Variants in PDZD2 observed in about 807,000 individuals in gnomAD.
PDZD2 encodes PDZ domain-containing protein 2.
In PDZD2, 90 loss-of-function variants were observed where a neutral mutation model predicts 220.7. The observed-to-expected ratio is 0.41, with a 90% confidence interval of 0.34 to 0.49. The LOEUF (loss-of-function observed/expected upper bound fraction) is 0.49. PDZD2 is among the 20% of genes least tolerant of loss of function. The pLI, the probability that PDZD2 is intolerant of heterozygous loss-of-function variation, is 0.28. For synonymous variants in PDZD2, 1,375 were observed against 1,450.5 expected, an observed-to-expected ratio of 0.95 and a Z score of 1.18; for missense variants, 3,174 against 3,608.5, an observed-to-expected ratio of 0.88 and a Z score of 3.08.
At chr5:31,855,433 G>A (rs1384773512) in intron 2 of PDZD2, among the ~76,000 whole-genome samples, 3 of 152,242 alleles carry the variant, frequency 2.0e-5, no homozygotes, top group Non-Finnish European at 4.4e-5. Flanking sequence ...CTGGACGGAA[G>A]GAGGCGCCCC....
intron 2 of PDZD2, among the ~76,000 whole-genome samples, chr5:31,877,939 T>C (rs577841244): frequency 2.0e-5 from 3 of 152,304 alleles, no homozygotes; most frequent in South Asian, 4.1e-4. Flanking sequence ...TCCACCCACC[T>C]TGGCCTCCCA....
In PDZD2 at chr5:31,799,389, G is replaced by A. The variant is rs777020335; in HGVS notation, c.141G>A (p.Gln47=). ...TCCAGAAGCTGCAGGAGTACATCCA[G>A]CTGAACTTTGCTGTGGATGAGAGTA... The part of the protein sequence containing the change: ...AAIQKLQEYI[Q]LNFAVDESTV... Residue 47 remains glutamine (Q), a synonymous_variant, in exon 2 of 25, where the codon CAG becomes CAA. Transcript: ENST00000438447. 5 of 1,614,232 alleles carry A rather than the reference G, an allele frequency of 3.1e-6. No individual in the cohort carries two copies. In the South Asian group the frequency reaches 5.5e-5, roughly 18 times the overall value.
In PDZD2 at chr5:32,072,157, A is replaced by G. The variant is rs771125288; in HGVS notation, c.2569-4A>G. 1.2e-6 allele frequency: 2 copies of G among 1,601,190 alleles called. No homozygotes were observed. Among genetic ancestry groups the G allele is most frequent in the East Asian group, 4.5e-5 (2 of 44,704 alleles). On this transcript the variant is annotated splice_region_variant and splice_polypyrimidine_tract_variant and intron_variant, in intron 16 of 24. Transcript: ENST00000438447. The stretch of plus-strand genomic sequence containing the variant: ...TAGTTATCGGATGTTTTCTTCTTCA[A>G]CAGGACTCCCTTATTTCTGAATCTG...
chr5:32,024,703 A>AAAAAAAAAAAAAGAAAG (rs1561378496), intron 6 of PDZD2, among the ~76,000 whole-genome samples: 8 of 140,218 alleles, frequency 5.7e-5, no homozygotes, highest in East Asian at 2.0e-4. Context: ...AGAAAGAAAA[A>AAAAAAAAAAAAAGAAAG]AAAGAAAAGG....
chr5:31,940,772 G>A (rs1001353284), intron 2 of PDZD2, among the ~76,000 whole-genome samples: 1 of 152,208 alleles, frequency 6.6e-6, no homozygotes, highest in Non-Finnish European at 1.5e-5. Context: ...TTGAGAATCC[G>A]TTTGGTAAAA....
chr5:31,965,129 C>T (rs1748611573), intron 2 of PDZD2, among the ~76,000 whole-genome samples: 1 of 152,226 alleles, frequency 6.6e-6, no homozygotes, highest in African/African-American at 2.4e-5. Flanking sequence ...ACGACACGGA[C>T]ACACGTGGAG....
intron 2 of PDZD2, among the ~76,000 whole-genome samples, chr5:31,976,452 A>T (rs747425383): frequency 1.3e-5 from 2 of 152,204 alleles, no homozygotes; most frequent in African/African-American, 2.4e-5. Flanking sequence ...CAACAAGGTG[A>T]CTATTAGCAG....
intron 2 of PDZD2, among the ~76,000 whole-genome samples, chr5:31,802,972 A>C (rs922483890): frequency 8.6e-5 from 13 of 151,620 alleles, no homozygotes; most frequent in African/African-American, 3.1e-4. Flanking sequence ...GCTGTCACGA[A>C]GTCTCAGATC....
In PDZD2 at chr5:31,864,828, A is replaced by G. The variant is rs145921906; in HGVS notation, c.476+65104A>G. Reference sequence around the variant, plus strand: ...AGTGCCCAGTCGAATTGTATCTTGTATGAGATTTGTCTTTTTTTTTTTTTT... The same window carrying G: ...AGTGCCCAGTCGAATTGTATCTTGTGTGAGATTTGTCTTTTTTTTTTTTTT... On this transcript the variant is annotated intron_variant, in intron 2 of 24. Coordinates refer to ENST00000438447, the MANE Select transcript of PDZD2 (RefSeq NM_178140.4). 4.4e-3 allele frequency among the ~76,000 whole-genome samples: 569 copies of G among 128,670 alleles called. 5 individuals are homozygous for G. Among genetic ancestry groups the G allele is most frequent in the African/African-American group, 0.015 (527 of 34,406 alleles). The allele number at this position is 128,670 out of a possible 152,430, so 84.4% of individuals were successfully genotyped here.
chr5:32,102,658 G>A (rs567945064), intron 24 of PDZD2, among the ~76,000 whole-genome samples: 4 of 152,216 alleles, frequency 2.6e-5, no homozygotes, highest in East Asian at 3.9e-4. Context: ...GCTCTCAGAC[G>A]AAGGGTACAG....
At chr5:31,726,596 G>A (rs910902218) in intron 1 of PDZD2, among the ~76,000 whole-genome samples, 1 of 152,178 alleles carries the variant, frequency 6.6e-6, no homozygotes, top group African/African-American at 2.4e-5. Flanking sequence ...ACTTGAAGAT[G>A]AGAAACCCAG....
intron 2 of PDZD2, among the ~76,000 whole-genome samples, chr5:31,925,677 G>A (rs577667823): frequency 3.3e-5 from 5 of 151,804 alleles, no homozygotes; most frequent in South Asian, 4.2e-4. Flanking sequence ...GACAACCCAC[G>A]GAATGGGATA....
At chr5:31,698,065 G>C (rs1215908043) in intron 1 of PDZD2, among the ~76,000 whole-genome samples, 2 of 138,580 alleles carry the variant, frequency 1.4e-5, no homozygotes, top group African/African-American at 5.1e-5. Context: ...ACCGCACCCA[G>C]CTAATTTTTT....
intron 2 of PDZD2, among the ~76,000 whole-genome samples, chr5:31,889,416 T>G (rs990191451): frequency 4.6e-5 from 7 of 152,208 alleles, no homozygotes; most frequent in African/African-American, 1.7e-4. Flanking sequence ...GGCCATTTTC[T>G]GGTGCTGTTC....
intron 1 of PDZD2, among the ~76,000 whole-genome samples, chr5:31,768,392 C>T (rs944082518): frequency 1.3e-5 from 2 of 152,030 alleles, no homozygotes; most frequent in Admixed American, 6.6e-5. Context: ...TCTGTAATCC[C>T]AGCACTTTGG....
chr5:32,103,151 G>GACT (rs1744421487), intron 24 of PDZD2, among the ~76,000 whole-genome samples: 1 of 152,190 alleles, frequency 6.6e-6, no homozygotes, highest in Non-Finnish European at 1.5e-5. Flanking sequence ...CAGAAATCAT[G>GACT]ACTAAGAATT....
intron 3 of PDZD2, among the ~76,000 whole-genome samples, chr5:31,992,698 A>G (rs1327380400): frequency 2.0e-5 from 3 of 152,142 alleles, no homozygotes; most frequent in Non-Finnish European, 2.9e-5. Context: ...AGATTTTCTT[A>G]TTTCTGGACT....
chr5:32,014,222 A>G (rs1019950695), intron 6 of PDZD2, among the ~76,000 whole-genome samples: 9 of 152,210 alleles, frequency 5.9e-5, no homozygotes, highest in Admixed American at 6.5e-5. Context: ...TTCTAGCCAG[A>G]CATGGACTGT....
intron 1 of PDZD2, among the ~76,000 whole-genome samples, chr5:31,777,804 A>G (rs921147587): frequency 1.3e-5 from 2 of 152,150 alleles, no homozygotes; most frequent in South Asian, 2.1e-4. Context: ...TGCACCAATC[A>G]GCACTCTGTA....
Sources: allele counts gnomAD v4.1 joint callset (sites outside exome capture counted in the v4.1 genomes callset), GRCh38; gene constraint gnomAD v4.1.1; transcripts MANE v1.5; gene names NCBI Gene and HGNC (gene_info 2026-07-23, HGNC 2026-07-21).